The following CAAP1 variants were observed in gnomAD, a reference collection of about 807,000 sequenced individuals.
The protein encoded by CAAP1 is conserved anti-apoptotic protein.
Under a neutral mutation model 34.0 loss-of-function variants are expected in CAAP1, and 20 were observed. The observed-to-expected ratio is 0.59, with a 90% CI of 0.41 to 0.86. CAAP1 has a LOEUF of 0.86. Among genes scored for constraint, CAAP1 ranks in the 40% least tolerant of loss-of-function variants. The probability of loss-of-function intolerance (pLI) is 0.00; values close to 1 mark genes in which losing one functional copy is unlikely to be tolerated. For synonymous variants in CAAP1, 213 were observed against 166.7 expected, an observed-to-expected ratio of 1.28 and a Z score of -2.14; for missense variants, 538 against 450.5, an observed-to-expected ratio of 1.19 and a Z score of -1.76.
chr9:26,886,669 C>T (rs1301949501), intron 2 of CAAP1, among the ~76,000 whole-genome samples: 1 of 152,152 alleles, frequency 6.6e-6, no homozygotes. Context: ...TTAACCATTG[C>T]TGTTTGTTGT....
chr9:26,842,754 A>G, intron 5 of CAAP1, 107 bp from the exon 6 acceptor site: 1 of 832,398 alleles, frequency 1.2e-6, no homozygotes, highest in South Asian at 1.8e-5. Flanking sequence ...CCCACTATGG[A>G]GTCCCAAACA....
chr9:26,850,101 G>T (rs1342571918), intron 5 of CAAP1, among the ~76,000 whole-genome samples: 1 of 152,178 alleles, frequency 6.6e-6, no homozygotes, highest in Non-Finnish European at 1.5e-5. Flanking sequence ...CTCCCAAAGT[G>T]TTGGGATTAC....
chr9:26,876,388 T>C (rs769670842), intron 4 of CAAP1, among the ~76,000 whole-genome samples: 2 of 152,058 alleles, frequency 1.3e-5, no homozygotes, highest in Non-Finnish European at 1.5e-5. Context: ...TGAAAGTACA[T>C]ATTCACAGAT....
intron 4 of CAAP1, among the ~76,000 whole-genome samples, chr9:26,868,172 A>C (rs1823181681): frequency 1.3e-5 from 2 of 152,192 alleles, no homozygotes; most frequent in Non-Finnish European, 2.9e-5. Flanking sequence ...AAATATGCCC[A>C]CATTCTAATT....
intron 4 of CAAP1, among the ~76,000 whole-genome samples, chr9:26,878,796 C>T (rs1295954498): frequency 6.6e-6 from 1 of 150,834 alleles, no homozygotes; most frequent in Non-Finnish European, 1.5e-5. Context: ...GCTTGGGGGA[C>T]AGAGTGAGAC....
At chr9:26,863,815 A>G (rs987397806) in intron 4 of CAAP1, among the ~76,000 whole-genome samples, 4 of 148,660 alleles carry the variant, frequency 2.7e-5, no homozygotes, top group African/African-American at 9.9e-5. Context: ...CTTTTTTGAG[A>G]CAGGTTGTTG....
At chr9:26,850,802 A>C (rs1822731754) in intron 5 of CAAP1, among the ~76,000 whole-genome samples, 2 of 152,212 alleles carry the variant, frequency 1.3e-5, no homozygotes, top group African/African-American at 4.8e-5. Flanking sequence ...TAGTGTATTA[A>C]GCTACTAATT....
chr9:26,889,096 G>A (rs1339280930), intron 1 of CAAP1, among the ~76,000 whole-genome samples: 3 of 152,168 alleles, frequency 2.0e-5, no homozygotes, highest in Admixed American at 6.5e-5. Flanking sequence ...TACACATAAG[G>A]TTGCTTTCTG....
intron 5 of CAAP1, among the ~76,000 whole-genome samples, chr9:26,848,685 G>T (rs1262732158): frequency 1.3e-5 from 2 of 152,012 alleles, no homozygotes; most frequent in African/African-American, 4.8e-5. Context: ...AAAAACAGTG[G>T]TATTACATTT....
intron 5 of CAAP1, 24 bp from the exon 6 acceptor site, chr9:26,842,671 T>A: frequency 6.5e-7 from 1 of 1,548,840 alleles, no homozygotes; most frequent in Middle Eastern, 1.8e-4. Flanking sequence ...AGGAGAAAGA[T>A]CCATGTAACC....
intron 4 of CAAP1, among the ~76,000 whole-genome samples, chr9:26,863,431 G>C (rs577858713): frequency 6.6e-6 from 1 of 152,112 alleles, no homozygotes. Context: ...AAAATATAAA[G>C]TTCTCTAATA....
At chr9:26,854,175 T>G (rs1391199319) in intron 5 of CAAP1, among the ~76,000 whole-genome samples, 1 of 152,184 alleles carries the variant, frequency 6.6e-6, no homozygotes, top group African/African-American at 2.4e-5. Context: ...GGCTGATACT[T>G]TTGAGCATTT....
At chr9:26,882,560 TAG>T (rs1823620029) in intron 4 of CAAP1, among the ~76,000 whole-genome samples, 1 of 152,132 alleles carries the variant, frequency 6.6e-6, no homozygotes, top group South Asian at 2.1e-4. Flanking sequence ...GGGGCTCTCA[TAG>T]AGAATCTCTG....
chr9:26,848,908 T>A (rs1822678959), intron 5 of CAAP1, among the ~76,000 whole-genome samples: 1 of 152,218 alleles, frequency 6.6e-6, no homozygotes, highest in Non-Finnish European at 1.5e-5. Context: ...CATATAAATT[T>A]TTTTTGTTTT....
Position 26,881,188 on chromosome 9 carries a change from G to C in CAAP1, c.665+3622C>G, listed in dbSNP as rs77024358. Among the ~76,000 whole-genome samples, 255 of 152,246 alleles carry C rather than the reference G, an allele frequency of 1.7e-3. 1 individual carries two copies. The East Asian group carries it at 0.035, about 21-fold the overall frequency. On this transcript the variant is annotated intron_variant, in intron 4 of 5. Coordinates refer to ENST00000333916, the MANE Select transcript of CAAP1 (RefSeq NM_024828.4). ...AGGGTCTCACTATGTTGCCCAGGCTGGTCTCAAACTCCCAGCCTCAGGTGA... is the reference window on the plus strand; with the variant it reads ...AGGGTCTCACTATGTTGCCCAGGCTCGTCTCAAACTCCCAGCCTCAGGTGA...
intron 5 of CAAP1, among the ~76,000 whole-genome samples, chr9:26,856,030 G>A (rs553693579): frequency 2.6e-5 from 4 of 151,922 alleles, no homozygotes; most frequent in East Asian, 1.9e-4. Context: ...CTGCAGCTTC[G>A]ACCTCCTTCC....
intron 4 of CAAP1, among the ~76,000 whole-genome samples, chr9:26,877,375 A>G (rs1245282845): frequency 2.0e-5 from 3 of 152,204 alleles, no homozygotes; most frequent in Admixed American, 6.5e-5. Flanking sequence ...CTAGGTTTGT[A>G]TAAGTGTACT....
chr9:26,866,562 A>G (rs1472310087), intron 4 of CAAP1, among the ~76,000 whole-genome samples: 2 of 152,222 alleles, frequency 1.3e-5, no homozygotes, highest in African/African-American at 2.4e-5. Flanking sequence ...AACAGACAAT[A>G]CATGAAGACA....
intron 1 of CAAP1, among the ~76,000 whole-genome samples, chr9:26,888,949 G>GTAACCA (rs1288096274): frequency 6.6e-6 from 1 of 152,208 alleles, no homozygotes; most frequent in Non-Finnish European, 1.5e-5. Flanking sequence ...ATGTGGTATA[G>GTAACCA]TAACCATAAA....
Sources: gnomAD v4.1 joint callset for allele counts (sites outside exome capture counted in the v4.1 genomes callset) on GRCh38, gnomAD v4.1.1 for gene constraint, MANE v1.5 for transcripts, NCBI Gene and HGNC (gene_info 2026-07-23, HGNC 2026-07-21) for gene names.